SRGAP1: variants seen among roughly 807,000 people sequenced by gnomAD.
The protein encoded by SRGAP1 is SLIT-ROBO Rho GTPase activating protein 1, also known as SLIT-ROBO Rho GTPase-activating protein 1.
A neutral mutation model predicts 121.9 loss-of-function variants in SRGAP1; 43 were observed. That is an observed-to-expected ratio of 0.35 (90% CI 0.28 to 0.46). The LOEUF is 0.46. SRGAP1 is among the 20% of genes least tolerant of loss of function. SRGAP1 has a pLI of 1.00. For synonymous variants in SRGAP1, 447 were observed against 485.4 expected, an observed-to-expected ratio of 0.92 and a Z score of 1.04; for missense variants, 1,102 against 1,350.9, an observed-to-expected ratio of 0.82 and a Z score of 2.89.
intron 1 of SRGAP1, among the ~76,000 whole-genome samples, chr12:63,960,711 C>T (rs1384625964): frequency 6.6e-6 from 1 of 152,122 alleles, no homozygotes; most frequent in East Asian, 1.9e-4. Flanking sequence ...CTAGGTGACC[C>T]AGTGGGCCCA....
chr12:64,111,776 G>A lies in SRGAP1; in HGVS notation c.1934G>A (p.Ser645Asn). Residue 645 changes from serine to asparagine, a missense_variant, in exon 17 of 22, where the codon AGC becomes AAC. Around this residue, in one of 3 missense-constraint regions of SRGAP1, gnomAD observed 747 missense variants for 929.4 expected, o/e 0.80. Coordinates refer to ENST00000355086, the MANE Select transcript of SRGAP1 (RefSeq NM_020762.4). ...TCCTTTTGTAGTCTATCACAGTACA[G>A]CGATGAGAATATGATGGACCCTTAT... is the stretch of plus-strand genomic sequence containing the variant. ...FAFLNHLSQY[S>N]DENMMDPYNL... is the part of the protein sequence containing the mutation. 6.2e-7 allele frequency: 1 copy of A among 1,611,714 alleles called. No individual in the cohort carries two copies. The highest frequency in any genetic ancestry group is 8.5e-7 in the Non-Finnish European group (1 of 1,178,304).
intron 1 of SRGAP1, among the ~76,000 whole-genome samples, chr12:63,921,872 CA>C (rs200151747): frequency 6.6e-6 from 1 of 151,436 alleles, no homozygotes; most frequent in Non-Finnish European, 1.5e-5. Context: ...ATAAACTCTT[CA>C]AAAAAAACTT....
intron 10 of SRGAP1, among the ~76,000 whole-genome samples, chr12:64,085,988 A>G (rs2035929793): frequency 6.6e-6 from 1 of 152,200 alleles, no homozygotes; most frequent in Non-Finnish European, 1.5e-5. Flanking sequence ...ATTCAAGAGG[A>G]GATAATAGAG....
chr12:64,092,126 A>G (rs1287446747), intron 12 of SRGAP1, among the ~76,000 whole-genome samples: 1 of 152,236 alleles, frequency 6.6e-6, no homozygotes, highest in Non-Finnish European at 1.5e-5. Flanking sequence ...ACATTAAACT[A>G]TTAGTTTTTA....
At chr12:63,907,447 G>A (rs7300204) in intron 1 of SRGAP1, among the ~76,000 whole-genome samples, 69,179 of 151,650 alleles carry the variant, frequency 0.46, 16,275 homozygotes, top group East Asian at 0.73. Flanking sequence ...CTGAGGCAGG[G>A]GAATCGCTTG....
At chr12:64,054,348 C>T (rs2035298040) in intron 6 of SRGAP1, among the ~76,000 whole-genome samples, 1 of 152,162 alleles carries the variant, frequency 6.6e-6, no homozygotes, top group South Asian at 2.1e-4. Context: ...TCATATATTG[C>T]CTGCCATCCT....
intron 1 of SRGAP1, among the ~76,000 whole-genome samples, chr12:63,976,077 C>A (rs2033085283): frequency 6.6e-6 from 1 of 152,046 alleles, no homozygotes; most frequent in Non-Finnish European, 1.5e-5. Context: ...AATTTTTGCC[C>A]ACTGATGCTT....
At chr12:63,948,012 G>A (rs961173452) in intron 1 of SRGAP1, among the ~76,000 whole-genome samples, 14 of 150,560 alleles carry the variant, frequency 9.3e-5, no homozygotes, top group Admixed American at 7.9e-4. Flanking sequence ...TTTGAATTTT[G>A]TCAAATGACT....
intron 1 of SRGAP1, among the ~76,000 whole-genome samples, chr12:63,909,123 C>T (rs369766862): frequency 6.6e-6 from 1 of 151,758 alleles, no homozygotes; most frequent in African/African-American, 2.4e-5. Context: ...CTCTTGACCT[C>T]GTGATCCACT....
intron 1 of SRGAP1, among the ~76,000 whole-genome samples, chr12:63,880,208 C>T (rs150400382): frequency 6.6e-6 from 1 of 152,212 alleles, no homozygotes; most frequent in Non-Finnish European, 1.5e-5. Flanking sequence ...CCTCCCCAGC[C>T]ATGTAGAACT....
intron 14 of SRGAP1, among the ~76,000 whole-genome samples, chr12:64,096,257 T>C (rs915080966): frequency 1.4e-4 from 21 of 152,184 alleles, no homozygotes; most frequent in African/African-American, 4.6e-4. Context: ...ATAATAGTAA[T>C]TATTATATTC....
chr12:64,040,587 T>C (rs2034996136), intron 4 of SRGAP1, among the ~76,000 whole-genome samples: 1 of 152,206 alleles, frequency 6.6e-6, no homozygotes, highest in South Asian at 2.1e-4. Flanking sequence ...TTCACCCGGA[T>C]GTCTGACATA....
chr12:64,019,782 C>A (rs1204615497), intron 4 of SRGAP1, among the ~76,000 whole-genome samples: 1 of 152,166 alleles, frequency 6.6e-6, no homozygotes, highest in Non-Finnish European at 1.5e-5. Flanking sequence ...CCCATTCAAC[C>A]ACTCACTGGC....
chr12:63,872,423 G>A (rs1217661791), intron 1 of SRGAP1, among the ~76,000 whole-genome samples: 2 of 152,154 alleles, frequency 1.3e-5, no homozygotes, highest in African/African-American at 4.8e-5. Flanking sequence ...CTTGCCTGTG[G>A]CCACGGTCTA....
At chr12:64,127,814 G>C (rs775089574) in intron 20 of SRGAP1, 47 bp from the exon 21 acceptor site, 2 of 1,597,994 alleles carry the variant, frequency 1.3e-6, no homozygotes, top group East Asian at 4.5e-5. Context: ...AGTACTGCCC[G>C]GTGTGATAAG....
intron 1 of SRGAP1, among the ~76,000 whole-genome samples, chr12:63,935,718 GT>G (rs1342038583): frequency 1.3e-5 from 2 of 152,176 alleles, no homozygotes; most frequent in African/African-American, 4.8e-5. Flanking sequence ...ATTATTGGCT[GT>G]GTTTTATGAT....
chr12:63,990,216 A>G lies in SRGAP1; in HGVS notation c.426+144A>G, dbSNP rs920312197. 16 of 697,828 alleles carry G rather than the reference A, an allele frequency of 2.3e-5. No individual in the cohort carries two copies. In the South Asian group the frequency reaches 3.1e-4, roughly 13 times the overall value. 43.2% of individuals were successfully genotyped at this position (697,828 alleles called of 1,614,324 possible). Reference sequence around the variant, plus strand: ...AAACAGTTAAAAATTAGATGAATGGATGTTTTAAAGACACGGAATAAAGAG... The same window carrying G: ...AAACAGTTAAAAATTAGATGAATGGGTGTTTTAAAGACACGGAATAAAGAG... On this transcript the variant is annotated intron_variant, in intron 3 of 21. Coordinates refer to ENST00000355086, the MANE Select transcript of SRGAP1 (RefSeq NM_020762.4).
Position 64,150,432 on chromosome 12 carries a change from A to G in SRGAP1, c.*7760A>G, listed in dbSNP as rs7965130. The G allele has an allele frequency of 0.48, 73,158 of 151,820 alleles. 18,366 individuals carry two copies. The highest frequency in any genetic ancestry group is 0.59 in the Middle Eastern group (174 of 294). The allele number at this position is 151,820 out of a possible 1,614,324, so 9.4% of individuals were successfully genotyped here. A position where few individuals can be genotyped will look rare whatever the true frequency, so the allele number is the denominator to read the frequency against. On this transcript the variant is annotated 3_prime_UTR_variant, in exon 22 of 22. Transcript: ENST00000355086. ...GGACTTTTGATGAATTACCCTCTCA[A>G]TGATGGTGTATTGTTCTAATCTTCT...
At chr12:64,100,639 C>T (rs1327833227) in intron 15 of SRGAP1, among the ~76,000 whole-genome samples, 1 of 152,114 alleles carries the variant, frequency 6.6e-6, no homozygotes, top group Non-Finnish European at 1.5e-5. Flanking sequence ...AGTCTTGTTA[C>T]TTTTAGTGCA....
Sources: allele counts gnomAD v4.1 joint callset (sites outside exome capture counted in the v4.1 genomes callset), GRCh38; gene constraint gnomAD v4.1.1; regional missense constraint gnomAD v4.1.1; transcripts MANE v1.5; gene names NCBI Gene and HGNC (gene_info 2026-07-23, HGNC 2026-07-21).